PDE3B: variants seen among roughly 807,000 people sequenced by gnomAD.
PDE3B encodes cGMP-inhibited 3',5'-cyclic phosphodiesterase 3B.
In PDE3B, 66 loss-of-function variants were observed where a neutral mutation model predicts 116.8. The ratio of observed to expected loss-of-function variants is 0.56; its 90% CI spans 0.46 to 0.69. PDE3B has a LOEUF of 0.69. Among genes scored for constraint, PDE3B ranks in the 30% least tolerant of loss-of-function variants. PDE3B has a pLI of 0.00. For missense variants in PDE3B, 1,384 were observed against 1,368.1 expected, an observed-to-expected ratio of 1.01 and a Z score of -0.18; for synonymous variants, 595 against 533.6, an observed-to-expected ratio of 1.12 and a Z score of -1.59.
Position 14,786,543 on chromosome 11 carries a change from C to T in PDE3B, c.1136C>T (p.Ser379Phe), listed in dbSNP as rs749703705. The T allele has an allele frequency of 6.2e-7, 1 of 1,613,312 alleles. No individual in the cohort carries two copies. The highest frequency in any genetic ancestry group is 8.5e-7 in the Non-Finnish European group (1 of 1,179,450). The change falls in exon 3 of 16, where the codon TCT becomes TTT. Residue 379 changes from serine to phenylalanine, a missense_variant. Transcript: ENST00000282096. Reference protein sequence around the residue: ...DPSLPPQVISSLRSISSLMGA... With the variant: ...DPSLPPQVISFLRSISSLMGA... ...AGCCTTCCACCACAAGTCATTTCCT[C>T]TCTACGGAGTATTAGTAGCTTAATG...
chr11:14,849,760 G>A (rs535209847), intron 12 of PDE3B, among the ~76,000 whole-genome samples: 8 of 152,252 alleles, frequency 5.3e-5, no homozygotes, highest in Non-Finnish European at 7.4e-5. Context: ...CTGGCCATCC[G>A]AGAAATGCAA....
intron 10 of PDE3B, among the ~76,000 whole-genome samples, chr11:14,833,045 C>T (rs979066969): frequency 6.6e-6 from 1 of 151,812 alleles, no homozygotes; most frequent in Non-Finnish European, 1.5e-5. Flanking sequence ...CCGCCCCCCA[C>T]GTTCAAGTGA....
rs1318936123 is a variant in PDE3B, at chr11:14,869,545, T to C, written c.3224T>C (p.Ile1075Thr). 6.2e-7 allele frequency: 1 copy of C among 1,612,302 alleles called. No individual in the cohort carries two copies. The highest frequency in any genetic ancestry group is 1.7e-5 in the Admixed American group (1 of 59,726). Residue 1075 changes from isoleucine (I) to threonine (T), a missense_variant, in exon 16 of 16, where the codon ATC becomes ACC. Ile to Thr is a moderately conservative substitution (Grantham distance 89). Coordinates refer to ENST00000282096, the MANE Select transcript of PDE3B (RefSeq NM_000922.4). Reference protein sequence around the residue: ...LTENHKIWKEIVEEEEKCKAD... With the variant: ...LTENHKIWKETVEEEEKCKAD... ...GAAAACCACAAGATATGGAAGGAAA[T>C]CGTAGAGGAAGAAGAAAAATGTAAA...
intron 5 of PDE3B, among the ~76,000 whole-genome samples, chr11:14,809,618 A>G (rs767023538): frequency 1.3e-5 from 2 of 152,190 alleles, no homozygotes; most frequent in Non-Finnish European, 2.9e-5. Context: ...CTAATCCCCA[A>G]TGAGACAGTA....
intron 1 of PDE3B, among the ~76,000 whole-genome samples, chr11:14,693,478 CT>C (rs975506088): frequency 6.6e-6 from 1 of 152,158 alleles, no homozygotes; most frequent in African/African-American, 2.4e-5. Flanking sequence ...CAGCTGATAA[CT>C]TTAAGTTGAT....
chr11:14,786,506 C>T lies in PDE3B; in HGVS notation c.1099C>T (p.Leu367=), dbSNP rs746474718. Residue 367 remains leucine (L), a synonymous_variant, in exon 3 of 16, where the codon CTG becomes TTG. Coordinates refer to ENST00000282096, the MANE Select transcript of PDE3B (RefSeq NM_000922.4). ...GGCTCGCAATATGGTGTCAGATCTT[C>T]TGACTGATCCAAGCCTTCCACCACA... The part of the protein sequence containing the change: ...NEARNMVSDL[L]TDPSLPPQVI... 1.7e-5 allele frequency: 27 copies of T among 1,612,664 alleles called. 1 individual carries two copies. The South Asian group carries it at 2.7e-4, about 16-fold the overall frequency.
At chr11:14,808,096 A>C (rs999074137) in intron 5 of PDE3B, among the ~76,000 whole-genome samples, 1 of 151,836 alleles carries the variant, frequency 6.6e-6, no homozygotes, top group African/African-American at 2.4e-5. Context: ...CTGACTGCTC[A>C]TTGGTTGATG....
chr11:14,761,754 C>G (rs963236784), intron 1 of PDE3B, among the ~76,000 whole-genome samples: 1 of 151,904 alleles, frequency 6.6e-6, no homozygotes, highest in Non-Finnish European at 1.5e-5. Context: ...ATCACAATTA[C>G]CATGACAAAA....
At chr11:14,764,951 T>C (rs1405007998) in intron 1 of PDE3B, among the ~76,000 whole-genome samples, 3 of 151,936 alleles carry the variant, frequency 2.0e-5, no homozygotes, top group Non-Finnish European at 4.4e-5. Context: ...TTAATATCTT[T>C]GCACTTTAAA....
At chr11:14,798,894 A>G (rs1019039859) in intron 4 of PDE3B, among the ~76,000 whole-genome samples, 1 of 151,884 alleles carries the variant, frequency 6.6e-6, no homozygotes, top group African/African-American at 2.4e-5. Flanking sequence ...TCCTGAATTC[A>G]TTGATTTTTT....
intron 1 of PDE3B, among the ~76,000 whole-genome samples, chr11:14,744,482 T>C (rs754186229): frequency 1.3e-5 from 2 of 152,230 alleles, no homozygotes; most frequent in Non-Finnish European, 2.9e-5. Context: ...TTTTGTAGTT[T>C]TCATTGTCAA....
At chr11:14,808,197 A>G (rs1413103133) in intron 5 of PDE3B, among the ~76,000 whole-genome samples, 1 of 152,242 alleles carries the variant, frequency 6.6e-6, no homozygotes, top group Non-Finnish European at 1.5e-5. Context: ...CTAACAGAAA[A>G]CTGAGTAACT....
At chr11:14,877,781 G>A in the PDE3B span, 4 of 223,874 alleles carry the variant, frequency 1.8e-5, no homozygotes, top group South Asian at 3.9e-4. Context: ...AGGCCCCCCA[G>A]GACAGAAGGC....
At position 14,644,122 on chromosome 11, in the gene PDE3B, C is replaced by A; in HGVS notation, c.47C>A (p.Pro16Gln). Reference sequence around the variant, plus strand: ...GCCAAAGCCATGCGGTCCCTGCAGCCGCCGGATGGGGCCGGCTCGCCCCCC... The same window carrying A: ...GCCAAAGCCATGCGGTCCCTGCAGCAGCCGGATGGGGCCGGCTCGCCCCCC... ...RDAKAMRSLQPPDGAGSPPES... is the reference protein window; with the variant it reads ...RDAKAMRSLQQPDGAGSPPES... Residue 16 changes from proline (P) to glutamine (Q), a missense_variant, in exon 1 of 16, where the codon CCG becomes CAG. By Grantham distance (76) the Pro-to-Gln change is moderately conservative (BLOSUM62 -1). Transcript: ENST00000282096. The A allele has an allele frequency of 6.3e-7, 1 of 1,581,572 alleles. No individual in the cohort carries two copies. Among genetic ancestry groups the A allele is most frequent in the Non-Finnish European group, 8.5e-7 (1 of 1,172,810 alleles).
Position 14,643,959 on chromosome 11 carries a change from T to C in PDE3B, c.-117T>C. Reference sequence around the variant, plus strand: ...CGGGCCGTGGCGGCCGGCGCAGCCCTGACGGGTTGCGAACCAGGGGGCGCC... The same window carrying C: ...CGGGCCGTGGCGGCCGGCGCAGCCCCGACGGGTTGCGAACCAGGGGGCGCC... On this transcript the variant is annotated 5_prime_UTR_variant, in exon 1 of 16. It removes the in-frame stop codon of an upstream open reading frame in the 5' UTR. Coordinates refer to ENST00000282096, the MANE Select transcript of PDE3B (RefSeq NM_000922.4). The C allele has an allele frequency of 7.4e-7, 1 of 1,358,576 alleles. No individual in the cohort carries two copies. The highest frequency in any genetic ancestry group is 1.5e-5 in the African/African-American group (1 of 64,788). 84.2% of individuals were successfully genotyped at this position (1,358,576 alleles called of 1,614,324 possible). A position where few individuals can be genotyped will look rare whatever the true frequency, so the allele number is the denominator to read the frequency against.
chr11:14,823,039 C>A lies in PDE3B; in HGVS notation c.1807+3830C>A, dbSNP rs562465892. Among the ~76,000 whole-genome samples, 4 of 152,194 alleles carry A rather than the reference C, an allele frequency of 2.6e-5. No individual in the cohort carries two copies. In the East Asian group the frequency reaches 5.8e-4, roughly 22 times the overall value. ...CCTCTCTTCTCCTCACTGGGCAGGACCTCCCAACCAAGGTAACCAGCCACT... is the reference window on the plus strand; with the variant it reads ...CCTCTCTTCTCCTCACTGGGCAGGAACTCCCAACCAAGGTAACCAGCCACT... On this transcript the variant is annotated intron_variant, in intron 7 of 15. Coordinates refer to ENST00000282096, the MANE Select transcript of PDE3B (RefSeq NM_000922.4).
At chr11:14,813,449 A>G (rs1565149074) in intron 5 of PDE3B, among the ~76,000 whole-genome samples, 1 of 152,090 alleles carries the variant, frequency 6.6e-6, no homozygotes, top group East Asian at 1.9e-4. Context: ...TGACGCTGCC[A>G]TCTCTCTGGC....
At chr11:14,763,758 T>C (rs1471407412) in intron 1 of PDE3B, among the ~76,000 whole-genome samples, 1 of 152,106 alleles carries the variant, frequency 6.6e-6, no homozygotes, top group African/African-American at 2.4e-5. Context: ...ATTTGATAAA[T>C]AAAAACAAGG....
At position 14,867,725 on chromosome 11, in the gene PDE3B, G is replaced by A. The variant is rs143928343; in HGVS notation, c.3106G>A (p.Glu1036Lys). 50 of 1,610,904 alleles carry A rather than the reference G, an allele frequency of 3.1e-5. No homozygotes were observed. Among genetic ancestry groups the A allele is most frequent in the Non-Finnish European group, 4.1e-5 (48 of 1,177,130 alleles). ...DDEDGEELDT[E>K]DEEMENNLNP... ...TGAAGACGGTGAAGAATTAGATACA[G>A]AAGATGAAGAAATGGAAAACAATCT... Residue 1036 changes from glutamate to lysine, a missense_variant, in exon 15 of 16, where the codon GAA becomes AAA. Physicochemically the swap from Glu to Lys is moderately conservative, Grantham distance 56. Transcript: ENST00000282096.
Sources: gnomAD v4.1 joint callset for allele counts (sites outside exome capture counted in the v4.1 genomes callset) on GRCh38, gnomAD v4.1.1 for gene constraint, MANE v1.5 for transcripts, NCBI Gene and HGNC (gene_info 2026-07-23, HGNC 2026-07-21) for gene names.